The following ALK variants were observed in gnomAD, a reference collection of about 807,000 sequenced individuals.
ALK encodes ALK tyrosine kinase receptor.
A neutral mutation model predicts 163.1 loss-of-function variants in ALK; 74 were observed. The ratio of observed to expected loss-of-function variants is 0.45; its 90% CI spans 0.38 to 0.55. The LOEUF is 0.55. Ranked by LOEUF, ALK falls within the 20% of genes least tolerant of loss-of-function variation. The probability of loss-of-function intolerance (pLI) is 0.00; values close to 1 mark genes in which losing one functional copy is unlikely to be tolerated. For missense variants in ALK, 2,063 were observed against 2,105.3 expected (o/e 0.98, Z 0.39); for synonymous variants, 960 against 843.2 (o/e 1.14, Z -2.40).
intron 3 of ALK, among the ~76,000 whole-genome samples, chr2:29,684,925 T>C (rs1678192422): frequency 6.6e-6 from 1 of 152,264 alleles, no homozygotes; most frequent in African/African-American, 2.4e-5. Context: ...TCAAGAAATA[T>C]TTAATGAATG....
At chr2:29,843,617 T>C (rs950139226) in intron 1 of ALK, among the ~76,000 whole-genome samples, 7 of 152,162 alleles carry the variant, frequency 4.6e-5, no homozygotes, top group Non-Finnish European at 1.0e-4. Flanking sequence ...AGGGGATTTC[T>C]ATTGTAGAAC....
In ALK at chr2:29,605,330, G is replaced by A. The variant is rs949716002; in HGVS notation, c.953-73214C>T. ...TACTCACCTCCTGCTGCTGCGGCCC[G>A]ATTCCTAACAGGAACCAGTATCGGT... On this transcript the variant is annotated intron_variant, in intron 3 of 28. Coordinates refer to ENST00000389048, the MANE Select transcript of ALK (RefSeq NM_004304.5). Among the ~76,000 whole-genome samples, 8 of 152,306 alleles carry A rather than the reference G, an allele frequency of 5.3e-5. No individual in the cohort carries two copies. In the East Asian group the frequency reaches 5.8e-4, roughly 11 times the overall value.
chr2:29,891,304 C>A (rs1293798254), intron 1 of ALK, among the ~76,000 whole-genome samples: 1 of 152,114 alleles, frequency 6.6e-6, no homozygotes, highest in African/African-American at 2.4e-5. Context: ...GGATGTCTTG[C>A]AGCAGATTTT....
intron 3 of ALK, among the ~76,000 whole-genome samples, chr2:29,681,957 T>C (rs1425577591): frequency 2.0e-5 from 3 of 152,168 alleles, no homozygotes; most frequent in African/African-American, 7.2e-5. Flanking sequence ...TCTTATCAAT[T>C]TAGGCAACTA....
chr2:29,610,084 C>G (rs187138815), intron 3 of ALK, among the ~76,000 whole-genome samples: 1 of 152,188 alleles, frequency 6.6e-6, no homozygotes, highest in Admixed American at 6.5e-5. Flanking sequence ...TTCCAGTAGG[C>G]CTGTGAACCC....
At chr2:29,790,098 ATCACAT>A (rs1313404578) in intron 1 of ALK, among the ~76,000 whole-genome samples, 4 of 152,216 alleles carry the variant, frequency 2.6e-5, no homozygotes, top group African/African-American at 4.8e-5. Context: ...GGTTAATGAG[ATCACAT>A]TTGCAAAGTG....
At chr2:29,237,448 G>T (rs1212195541) in intron 13 of ALK, among the ~76,000 whole-genome samples, 2 of 152,006 alleles carry the variant, frequency 1.3e-5, no homozygotes, top group East Asian at 3.9e-4. Context: ...CCCTTCCTTT[G>T]GCTCCCTCTC....
chr2:29,891,740 GAC>G (rs1667153456), intron 1 of ALK, among the ~76,000 whole-genome samples: 1 of 152,122 alleles, frequency 6.6e-6, no homozygotes, highest in African/African-American at 2.4e-5. Context: ...ACTTCCCTGG[GAC>G]CACATGCTAC....
intron 5 of ALK, among the ~76,000 whole-genome samples, chr2:29,336,776 G>C (rs1667627337): frequency 6.6e-6 from 1 of 152,158 alleles, no homozygotes; most frequent in Admixed American, 6.5e-5. Context: ...TTTTTAATTA[G>C]GGTGATTTAT....
intron 1 of ALK, among the ~76,000 whole-genome samples, chr2:29,865,526 C>T (rs1666411438): frequency 6.6e-6 from 1 of 152,244 alleles, no homozygotes; most frequent in Admixed American, 6.5e-5. Context: ...CATCCAGACA[C>T]TCATGGATAC....
intron 4 of ALK, among the ~76,000 whole-genome samples, chr2:29,463,060 T>C (rs1296848230): frequency 6.6e-6 from 1 of 152,116 alleles, no homozygotes; most frequent in Admixed American, 6.6e-5. Context: ...AGTAGTCTTA[T>C]AACATATAAT....
intron 4 of ALK, among the ~76,000 whole-genome samples, chr2:29,393,914 A>T (rs1669240963): frequency 6.6e-6 from 1 of 152,246 alleles, no homozygotes. Flanking sequence ...CAACAGAAAG[A>T]TCAGGAAACA....
chr2:29,585,714 T>C (rs554274194), intron 3 of ALK, among the ~76,000 whole-genome samples: 1 of 152,332 alleles, frequency 6.6e-6, no homozygotes, highest in East Asian at 1.9e-4. Context: ...AGCATTTTTC[T>C]ATAATATTAA....
At chr2:29,802,948 G>A (rs557087099) in intron 1 of ALK, among the ~76,000 whole-genome samples, 60 of 151,834 alleles carry the variant, frequency 4.0e-4, no homozygotes, top group African/African-American at 1.3e-3. Flanking sequence ...ACAGTTCTCT[G>A]TTTCTTGGAA....
chr2:29,909,476 C>T (rs1049539007), intron 1 of ALK, among the ~76,000 whole-genome samples: 1 of 96,708 alleles, frequency 1.0e-5, no homozygotes, highest in East Asian at 3.8e-4. Flanking sequence ...GAGAGACAGA[C>T]AGACAGAGAG....
intron 8 of ALK, among the ~76,000 whole-genome samples, chr2:29,310,917 G>A (rs1385527586): frequency 1.3e-5 from 2 of 152,214 alleles, no homozygotes; most frequent in East Asian, 3.9e-4. Flanking sequence ...GTGTCTGGAC[G>A]GTTGTCATTA....
At chr2:29,700,396 T>C (rs1162279118) in intron 2 of ALK, among the ~76,000 whole-genome samples, 2 of 151,956 alleles carry the variant, frequency 1.3e-5, no homozygotes, top group African/African-American at 4.8e-5. Context: ...AATACAAAAT[T>C]AGCCAGGTGT....
Position 29,521,397 on chromosome 2 carries a change from G to A in ALK, c.1154+10518C>T, listed in dbSNP as rs56002332. ...ACAATCAGTCATTGGAAAGGAGTGG[G>A]AACACTCATTCACTGAGCTTACTGA... On this transcript the variant is annotated intron_variant, in intron 4 of 28. Transcript: ENST00000389048. Among the ~76,000 whole-genome samples the A allele has an allele frequency of 5.9e-3, 897 of 152,260 alleles. 4 individuals carry two copies. The highest frequency in any genetic ancestry group is 0.021 in the African/African-American group (861 of 41,544).
Position 29,251,208 on chromosome 2 carries a change from A to C in ALK, c.2101T>G (p.Cys701Gly), listed in dbSNP as rs2148197527. ...SGPHGPTQAQ[C>G]NNAYQNSNLS... ...TTGGAGTTCTGGTAGGCGTTGTTGC[A>C]CTGTGCCTGGGTGGGGCCATGGGGC... The change falls in exon 12 of 29, where the codon TGC becomes GGC. Residue 701 changes from cysteine to glycine, a missense_variant. Physicochemically the swap from Cys to Gly is radical, Grantham distance 159 (BLOSUM62 -3). This residue lies in a region of ALK where 987 missense variants were observed against 939.5 expected (regional missense o/e 1.05). Coordinates refer to ENST00000389048, the MANE Select transcript of ALK (RefSeq NM_004304.5). 1.2e-6 allele frequency: 2 copies of C among 1,614,050 alleles called. No homozygotes were observed. The highest frequency in any genetic ancestry group is 1.7e-6 in the Non-Finnish European group (2 of 1,179,976).
Sources: allele counts gnomAD v4.1 joint callset (sites outside exome capture counted in the v4.1 genomes callset), GRCh38; gene constraint gnomAD v4.1.1; regional missense constraint gnomAD v4.1.1; transcripts MANE v1.5; gene names NCBI Gene and HGNC (gene_info 2026-07-23, HGNC 2026-07-21).